NBAS: variants seen among roughly 807,000 people sequenced by gnomAD.
NBAS encodes NBAS subunit of NRZ tethering complex, also known as NAG/BC035112 fusion.
In NBAS, 219 loss-of-function variants were observed where a neutral mutation model predicts 302.5. That is an observed-to-expected ratio of 0.72 (90% CI 0.65 to 0.81). NBAS has a LOEUF of 0.81. Ranked by LOEUF, NBAS falls within the 30% of genes least tolerant of loss-of-function variation. The pLI, the probability that NBAS is intolerant of heterozygous loss-of-function variation, is 0.00. For synonymous variants in NBAS, 1,118 were observed against 1,021.6 expected (o/e 1.09, Z -1.80); for missense variants, 2,932 against 2,841.6 (o/e 1.03, Z -0.72).
At chr2:15,213,616 T>C (rs527939757) in intron 48 of NBAS, among the ~76,000 whole-genome samples, 1 of 152,220 alleles carries the variant, frequency 6.6e-6, no homozygotes, top group Non-Finnish European at 1.5e-5. Context: ...AGAACTGGTT[T>C]GAGTTCCATG....
chr2:15,178,117 G>A (rs1241694205), intron 51 of NBAS: 4 of 470,202 alleles, frequency 8.5e-6, no homozygotes, highest in Admixed American at 7.1e-5. Flanking sequence ...ATATACCTCT[G>A]CTCTAGATTC....
At chr2:15,034,248 G>GAA in the NBAS span, among the ~76,000 whole-genome samples, 2 of 91,554 alleles carry the variant, frequency 2.2e-5, no homozygotes, top group African/African-American at 9.3e-5. Flanking sequence ...AAGAAAGAAA[G>GAA]AAAGAAAGAA....
intron 21 of NBAS, among the ~76,000 whole-genome samples, chr2:15,460,637 T>C (rs1023350109): frequency 2.6e-5 from 4 of 152,222 alleles, no homozygotes; most frequent in African/African-American, 7.2e-5. Context: ...CAGGTGGTAA[T>C]ACAGGGACTC....
chr2:15,024,725 T>C, the NBAS span, among the ~76,000 whole-genome samples: 3 of 152,198 alleles, frequency 2.0e-5, no homozygotes, highest in Admixed American at 6.5e-5. Flanking sequence ...TTAGTGATAT[T>C]GAGCATTTTT....
chr2:15,057,722 T>G, the NBAS span, among the ~76,000 whole-genome samples: 1 of 152,236 alleles, frequency 6.6e-6, no homozygotes, highest in Non-Finnish European at 1.5e-5. Flanking sequence ...TAATAGTCTC[T>G]AATCTCATTC....
intron 28 of NBAS, among the ~76,000 whole-genome samples, chr2:15,390,283 G>A (rs577206865): frequency 2.6e-5 from 4 of 152,166 alleles, no homozygotes; most frequent in African/African-American, 9.6e-5. Flanking sequence ...TAAACTGTTT[G>A]CAAGTAAATT....
At chr2:14,825,231 G>T in the NBAS span, among the ~76,000 whole-genome samples, 3,347 of 152,132 alleles carry the variant, frequency 0.022, 65 homozygotes, top group Admixed American at 0.052. Flanking sequence ...CCCACGATGG[G>T]GCTCTGGCCA....
the NBAS span, among the ~76,000 whole-genome samples, chr2:15,000,073 G>C: frequency 3.9e-5 from 6 of 152,208 alleles, no homozygotes. Flanking sequence ...AAAAATCACA[G>C]TTCACTCTAT....
At chr2:15,251,938 C>T (rs1263590516) in intron 44 of NBAS, among the ~76,000 whole-genome samples, 2 of 152,056 alleles carry the variant, frequency 1.3e-5, no homozygotes, top group African/African-American at 2.4e-5. Flanking sequence ...GTTCAAATGC[C>T]GCTGACACAA....
intron 40 of NBAS, among the ~76,000 whole-genome samples, chr2:15,296,554 A>C (rs1345007754): frequency 6.6e-6 from 1 of 152,004 alleles, no homozygotes. Context: ...CAAAAAAAAA[A>C]ACTTTGCAAA....
intron 16 of NBAS, among the ~76,000 whole-genome samples, chr2:15,469,498 AAG>A (rs1679865326): frequency 6.6e-6 from 1 of 152,158 alleles, no homozygotes; most frequent in African/African-American, 2.4e-5. Context: ...CATATACCCA[AAG>A]GATTACAAAT....
chr2:14,858,527 G>A, the NBAS span, among the ~76,000 whole-genome samples: 1 of 152,034 alleles, frequency 6.6e-6, no homozygotes, highest in South Asian at 2.1e-4. Flanking sequence ...AATGGAACTG[G>A]AGATCATTAT....
the NBAS span, among the ~76,000 whole-genome samples, chr2:14,906,251 A>C: frequency 7.7e-4 from 118 of 152,330 alleles, no homozygotes; most frequent in Middle Eastern, 3.4e-3. Context: ...ATTTGTGTCT[A>C]CGTGTTTCAT....
chr2:15,490,244 C>T (rs73200702), intron 11 of NBAS, among the ~76,000 whole-genome samples: 6,349 of 152,070 alleles, frequency 0.042, 423 homozygotes, highest in African/African-American at 0.14. Flanking sequence ...GACTAAGGTG[C>T]CTTAGCCATC....
intron 40 of NBAS, among the ~76,000 whole-genome samples, chr2:15,302,555 G>A (rs901692501): frequency 8.5e-5 from 13 of 152,190 alleles, no homozygotes; most frequent in Admixed American, 3.3e-4. Context: ...TATGCCACAG[G>A]GTGGGTGGGT....
the NBAS span, among the ~76,000 whole-genome samples, chr2:14,844,364 A>G: frequency 6.6e-6 from 1 of 152,148 alleles, no homozygotes; most frequent in Non-Finnish European, 1.5e-5. Flanking sequence ...CATAATGACT[A>G]AAGAGTCCTT....
intron 21 of NBAS, among the ~76,000 whole-genome samples, chr2:15,450,100 G>A (rs942846501): frequency 2.0e-5 from 3 of 152,112 alleles, no homozygotes; most frequent in African/African-American, 4.8e-5. Context: ...AATTAGGGTA[G>A]AACTAGAATA....
chr2:15,463,280 A>G (rs1679583464), intron 19 of NBAS, among the ~76,000 whole-genome samples: 1 of 152,214 alleles, frequency 6.6e-6, no homozygotes, highest in African/African-American at 2.4e-5. Context: ...TTTCACAAAA[A>G]AAGCTCTCAG....
chr2:15,210,667 C>T (rs1666363759), intron 48 of NBAS, among the ~76,000 whole-genome samples: 1 of 152,180 alleles, frequency 6.6e-6, no homozygotes, highest in African/African-American at 2.4e-5. Flanking sequence ...GAGATAGCTG[C>T]ACTCCCATGT....
Sources: allele counts gnomAD v4.1 joint callset (sites outside exome capture counted in the v4.1 genomes callset), GRCh38; gene constraint gnomAD v4.1.1; transcripts MANE v1.5; gene names NCBI Gene and HGNC (gene_info 2026-07-23, HGNC 2026-07-21).